The following NSD2 variants were observed in gnomAD, a reference collection of about 807,000 sequenced individuals.
The protein encoded by NSD2 is nuclear receptor binding SET domain protein 2.
In NSD2, 12 loss-of-function variants were observed where a neutral mutation model predicts 139.0. The ratio of observed to expected loss-of-function variants is 0.09; its 90% CI spans 0.06 to 0.14. NSD2 has a LOEUF of 0.14. NSD2 is among the 10% of genes least tolerant of loss of function. The probability of loss-of-function intolerance (pLI) is 1.00; values close to 1 mark genes in which losing one functional copy is unlikely to be tolerated. For synonymous variants in NSD2, 669 were observed against 648.7 expected (o/e 1.03, Z -0.48); for missense variants, 1,155 against 1,745.0 (o/e 0.66, Z 6.02).
intron 1 of NSD2, among the ~76,000 whole-genome samples, chr4:1,879,432 G>A (rs1160604767): frequency 6.6e-6 from 1 of 152,082 alleles, no homozygotes; most frequent in African/African-American, 2.4e-5. Context: ...TGTTAGCCAG[G>A]ATGGTCTCAA....
At chr4:1,952,297 C>T (rs1724352226) in intron 11 of NSD2, 66 bp downstream of exon 11, 15 of 1,598,880 alleles carry the variant, frequency 9.4e-6, no homozygotes, top group Non-Finnish European at 1.2e-5. Flanking sequence ...CCCCCTGCAC[C>T]AAGTCCTGCC....
intron 6 of NSD2, among the ~76,000 whole-genome samples, chr4:1,934,842 C>A (rs1722113343): frequency 1.5e-5 from 1 of 65,956 alleles, no homozygotes; most frequent in African/African-American, 6.6e-5. Context: ...AGCGAGACTC[C>A]ATCTTAAAAA....
At chr4:1,950,876 A>G (rs529591378) in intron 9 of NSD2, among the ~76,000 whole-genome samples, 196 bp from the exon 10 acceptor site, 1 of 152,178 alleles carries the variant, frequency 6.6e-6, no homozygotes, top group Non-Finnish European at 1.5e-5. Context: ...AATTTTCTAC[A>G]TAGCCTAATT....
Position 1,957,624 on chromosome 4 carries a change from G to A in NSD2, c.2882-309G>A, listed in dbSNP as rs563447846. ...TTTATTTTCTGTCTGAGAACAGCAAGTCCCAGGCTTTGACCCTGGTGCTTT... is the reference window on the plus strand; with the variant it reads ...TTTATTTTCTGTCTGAGAACAGCAAATCCCAGGCTTTGACCCTGGTGCTTT... On this transcript the variant is annotated intron_variant, in intron 15 of 21. Coordinates refer to ENST00000508803, the MANE Select transcript of NSD2 (RefSeq NM_001042424.3). Among the ~76,000 whole-genome samples the A allele has an allele frequency of 2.0e-5, 3 of 152,244 alleles. No individual in the cohort carries two copies. The East Asian group carries it at 5.8e-4, about 29-fold the overall frequency.
chr4:1,881,562 T>C (rs11933988), intron 1 of NSD2, among the ~76,000 whole-genome samples: 14,263 of 152,008 alleles, frequency 0.094, 2,068 homozygotes, highest in African/African-American at 0.31. Flanking sequence ...CGTGCCTGGC[T>C]TGTTTTTGTT....
In NSD2 at chr4:1,975,329, C is replaced by T; in HGVS notation, c.3550C>T (p.Leu1184=). 1.2e-6 allele frequency: 2 copies of T among 1,614,178 alleles called. No individual in the cohort carries two copies. Among genetic ancestry groups the T allele is most frequent in the East Asian group, 2.2e-5 (1 of 44,888 alleles). ...ELTFNYNLDC[L]GNEKTVCRCG... ...GACTTTTAACTACAACCTCGATTGT[C>T]TGGGCAATGAAAAAACGGTCTGCCG... The change falls in exon 20 of 22, where the codon CTG becomes TTG. Residue 1184 remains leucine, a synonymous_variant. Transcript: ENST00000508803.
At position 1,979,197 on chromosome 4, in the gene NSD2, C is replaced by G. The variant is rs1727492713; in HGVS notation, c.*288C>G. On this transcript the variant is annotated 3_prime_UTR_variant, in exon 22 of 22. Coordinates refer to ENST00000508803, the MANE Select transcript of NSD2 (RefSeq NM_001042424.3). The stretch of plus-strand genomic sequence containing the variant: ...ATTTCTCCGAATGTCAAGGTTCCCT[C>G]CCACTCTATTTTTTTAGGTTAAAGT... The G allele has an allele frequency of 5.5e-6, 2 of 365,550 alleles. No homozygotes were observed. Among genetic ancestry groups the G allele is most frequent in the Non-Finnish European group, 9.7e-6 (2 of 205,356 alleles). The allele number at this position is 365,550 out of a possible 1,614,324, so 22.6% of individuals were successfully genotyped here.
chr4:1,890,747 C>T (rs1715465744), intron 1 of NSD2, among the ~76,000 whole-genome samples: 2 of 152,000 alleles, frequency 1.3e-5, no homozygotes, highest in African/African-American at 4.8e-5. Flanking sequence ...TACAGGCGCC[C>T]ACCACCACGC....
At chr4:1,964,878 G>A (rs1227538586) in intron 18 of NSD2, among the ~76,000 whole-genome samples, 1 of 151,950 alleles carries the variant, frequency 6.6e-6, no homozygotes, top group Non-Finnish European at 1.5e-5. Flanking sequence ...AAAAAGATCT[G>A]GAAAGACCTT....
chr4:1,880,798 G>C (rs1714643329), intron 1 of NSD2, among the ~76,000 whole-genome samples: 1 of 152,280 alleles, frequency 6.6e-6, no homozygotes, highest in African/African-American at 2.4e-5. Flanking sequence ...GATGACAAGA[G>C]ACTGGAGGAA....
chr4:1,946,916 G>A lies in NSD2; in HGVS notation c.1882-4156G>A, dbSNP rs1445455819. 23 of 1,058,970 alleles carry A rather than the reference G, an allele frequency of 2.2e-5. No homozygotes were observed. The East Asian group carries it at 5.7e-4, about 26-fold the overall frequency. The allele number at this position is 1,058,970 out of a possible 1,614,324, so 65.6% of individuals were successfully genotyped here. On this transcript the variant is annotated intron_variant, in intron 9 of 21. Transcript: ENST00000508803. ...AGGTCCACATTTGTGTTTTTTTCTA[G>A]CCTACCTATAGTTGTTGGCCTTTTT...
At chr4:1,947,770 G>T in intron 9 of NSD2, 1 of 1,048,796 alleles carries the variant, frequency 9.5e-7, no homozygotes, top group Non-Finnish European at 1.2e-6. Context: ...TCAGTTTATA[G>T]AAATATTTAT....
At chr4:1,877,730 C>T (rs1714365149) in intron 1 of NSD2, among the ~76,000 whole-genome samples, 1 of 152,216 alleles carries the variant, frequency 6.6e-6, no homozygotes, top group Admixed American at 6.5e-5. Context: ...CCCTGCAGCT[C>T]TGCTGCCTCC....
rs1030796129 is a variant in NSD2 at position 1,979,723 on chromosome 4, T to C, written c.*814T>C. 4.3e-6 allele frequency: 1 copy of C among 232,360 alleles called. No individual in the cohort carries two copies. Among genetic ancestry groups the C allele is most frequent in the Non-Finnish European group, 8.5e-6 (1 of 117,456 alleles). The allele number at this position is 232,360 out of a possible 1,614,324, so 14.4% of individuals were successfully genotyped here. On this transcript the variant is annotated 3_prime_UTR_variant, in exon 22 of 22. Transcript: ENST00000508803. ...TTGGGGGATAACTTTGTATATTTTT[T>C]TCATTTGGCTTTTCTTTACCAGTTT...
rs1308754742 is a variant in NSD2 at position 1,955,585 on chromosome 4, C to T, written c.2519-108C>T. On this transcript the variant is annotated intron_variant, in intron 13 of 21. Coordinates refer to ENST00000508803, the MANE Select transcript of NSD2 (RefSeq NM_001042424.3). The surrounding 1 kb of genome is among the most constrained non-coding windows in gnomAD (Gnocchi z 4.7). ...TGATGTACAGATCGCTGTTTTAAAA[C>T]TGATGTTTATAAGTTAAGGCTGTAA... is the stretch of plus-strand genomic sequence containing the variant. 18 of 1,376,720 alleles carry T rather than the reference C, an allele frequency of 1.3e-5. No individual in the cohort carries two copies. In the East Asian group the frequency reaches 4.0e-4, roughly 31 times the overall value. 85.3% of individuals were successfully genotyped at this position (1,376,720 alleles called of 1,614,324 possible).
At chr4:1,929,046 A>AG (rs1721305528) in intron 5 of NSD2, among the ~76,000 whole-genome samples, 1 of 152,110 alleles carries the variant, frequency 6.6e-6, no homozygotes, top group Non-Finnish European at 1.5e-5. Flanking sequence ...CCAGAACTGC[A>AG]GAAGGTGTCC....
chr4:1,899,102 A>T (rs1432205366), intron 1 of NSD2: 1 of 152,226 alleles, frequency 6.6e-6, no homozygotes, highest in Non-Finnish European at 1.5e-5. Flanking sequence ...GGTCAGACAG[A>T]ACACATTTGT....
In NSD2 at chr4:1,904,412, C is replaced by T. The variant is rs756444461; in HGVS notation, c.760+34C>T. On this transcript the variant is annotated intron_variant, in intron 3 of 21. Coordinates refer to ENST00000508803, the MANE Select transcript of NSD2 (RefSeq NM_001042424.3). The stretch of plus-strand genomic sequence containing the variant: ...TTCTTTGGGTTGTTTTTCCAACTTT[C>T]TCTTCTGCACTTAATCTTTCTCATC... 3 of 1,574,730 alleles carry T rather than the reference C, an allele frequency of 1.9e-6. No individual in the cohort carries two copies. In the African/African-American group the frequency reaches 4.1e-5, roughly 21 times the overall value.
rs1727675666 is a variant in NSD2, at chr4:1,980,747, A to G, written c.*1838A>G. On this transcript the variant is annotated 3_prime_UTR_variant, in exon 22 of 22. Transcript: ENST00000508803. ...CCCAGGGGAAACGAGCTGTGTAGCC[A>G]CTGACTTGCTCGCGCGGCCGTGGCC... 1 of 233,070 alleles carries G rather than the reference A, an allele frequency of 4.3e-6. No homozygotes were observed. The highest frequency in any genetic ancestry group is 5.6e-5 in the Admixed American group (1 of 17,778). The allele number at this position is 233,070 out of a possible 1,614,324, so 14.4% of individuals were successfully genotyped here. A position where few individuals can be genotyped will look rare whatever the true frequency, so the allele number is the denominator to read the frequency against.
Sources: allele counts gnomAD v4.1 joint callset (sites outside exome capture counted in the v4.1 genomes callset), GRCh38; gene constraint gnomAD v4.1.1; non-coding constraint Gnocchi (gnomAD v3.1); transcripts MANE v1.5; gene names NCBI Gene and HGNC (gene_info 2026-07-23, HGNC 2026-07-21).